The following SLC38A6 variants were observed in gnomAD, a reference collection of about 807,000 sequenced individuals.
SLC38A6 encodes solute carrier family 38 member 6, also known as N system amino acid transporter NAT-1.
A neutral mutation model predicts 65.0 loss-of-function variants in SLC38A6; 73 were observed. That is an observed-to-expected ratio of 1.12 (90% CI 0.93 to 1.37). The LOEUF is 1.37. Among genes scored for constraint, SLC38A6 ranks in the 40% most tolerant of loss-of-function variants. The probability of loss-of-function intolerance (pLI) is 0.00; values close to 1 mark genes in which losing one functional copy is unlikely to be tolerated. For missense variants in SLC38A6, 561 were observed against 531.1 expected, an observed-to-expected ratio of 1.06 and a Z score of -0.55; for synonymous variants, 183 against 178.8, an observed-to-expected ratio of 1.02 and a Z score of -0.19.
chr14:61,018,830 A>G (rs2040176910), intron 4 of SLC38A6, among the ~76,000 whole-genome samples: 1 of 152,158 alleles, frequency 6.6e-6, no homozygotes, highest in African/African-American at 2.4e-5. Context: ...AAAAAATTTC[A>G]TTTCTGACTT....
intron 3 of SLC38A6, among the ~76,000 whole-genome samples, chr14:60,995,834 A>G (rs934002543): frequency 1.3e-5 from 2 of 152,230 alleles, no homozygotes; most frequent in African/African-American, 4.8e-5. Flanking sequence ...AGGCAAAACT[A>G]TGCAGAAAAT....
chr14:61,005,840 A>G (rs938790550), intron 3 of SLC38A6, among the ~76,000 whole-genome samples: 5 of 152,104 alleles, frequency 3.3e-5, no homozygotes, highest in Admixed American at 3.3e-4. Flanking sequence ...TAAAGTTCAT[A>G]TGGAACCAAA....
intron 6 of SLC38A6, chr14:61,033,897 A>G (rs941025209): frequency 1.6e-4 from 24 of 152,178 alleles, no homozygotes; most frequent in Non-Finnish European, 5.9e-5. Context: ...TTATTTTTAT[A>G]TTAAGAATTT....
chr14:61,045,389 A>G lies in SLC38A6; in HGVS notation c.788A>G (p.His263Arg), dbSNP rs1194297318. The G allele has an allele frequency of 3.1e-6, 5 of 1,613,582 alleles. No individual in the cohort carries two copies. Among genetic ancestry groups the G allele is most frequent in the African/African-American group, 2.7e-5 (2 of 74,890 alleles). ...LPTMAFSFLC[H>R]TSILPIYCEL... is the part of the protein sequence containing the mutation. ...ACCATGGCTTTTTCATTTCTCTGCC[A>G]TACCTCAATATTGCCCATATACTGT... The change falls in exon 11 of 16, where the codon CAT (histidine) becomes CGT (arginine). Residue 263 changes from histidine (H) to arginine (R), a missense_variant. Transcript: ENST00000267488.
At chr14:61,001,321 C>A (rs2038695383) in intron 3 of SLC38A6, among the ~76,000 whole-genome samples, 1 of 152,168 alleles carries the variant, frequency 6.6e-6, no homozygotes, top group East Asian at 1.9e-4. Context: ...ACCCTGGCAA[C>A]ATTATGTGTG....
chr14:61,066,054 C>CTTTA, intron 15 of SLC38A6, among the ~76,000 whole-genome samples: 1 of 152,308 alleles, frequency 6.6e-6, no homozygotes, highest in East Asian at 1.9e-4. Context: ...GTTAAACATA[C>CTTTA]TTTACTTCCT....
intron 15 of SLC38A6, among the ~76,000 whole-genome samples, chr14:61,070,230 C>G (rs1030665983): frequency 4.6e-5 from 7 of 152,224 alleles, no homozygotes; most frequent in African/African-American, 1.7e-4. Context: ...CCTGCAGTCC[C>G]TGGCAACTGC....
chr14:60,992,851 C>CTT (rs35754433), intron 3 of SLC38A6, among the ~76,000 whole-genome samples: 93 of 141,128 alleles, frequency 6.6e-4, no homozygotes, highest in African/African-American at 1.4e-3. Context: ...TGCCTCCAAA[C>CTT]TTTTTTTTTT....
At chr14:61,062,162 C>T (rs549458466) in intron 15 of SLC38A6, among the ~76,000 whole-genome samples, 16 of 152,254 alleles carry the variant, frequency 1.1e-4, no homozygotes, top group African/African-American at 3.6e-4. Context: ...ACATAATTTG[C>T]AGCTTATTTG....
intron 4 of SLC38A6, among the ~76,000 whole-genome samples, chr14:61,016,475 T>C (rs1033724503): frequency 1.3e-5 from 2 of 152,182 alleles, no homozygotes; most frequent in African/African-American, 4.8e-5. Flanking sequence ...TGTCAACTAT[T>C]ATATAAAGCC....
intron 11 of SLC38A6, among the ~76,000 whole-genome samples, chr14:61,045,712 C>T (rs780218476): frequency 4.0e-5 from 6 of 151,848 alleles, no homozygotes; most frequent in Admixed American, 1.3e-4. Flanking sequence ...GGTGAAACCC[C>T]GTCTCTACTA....
In SLC38A6 at chr14:60,981,255, C is replaced by T. The variant is rs762437327; in HGVS notation, c.-23C>T. Reference sequence around the variant, plus strand: ...CAGGGGTAGAGGCTCGTAGATGGAACTGGTAGTCAGCTGGAGAGCAGCATG... The same window carrying T: ...CAGGGGTAGAGGCTCGTAGATGGAATTGGTAGTCAGCTGGAGAGCAGCATG... On this transcript the variant is annotated 5_prime_UTR_variant, in exon 1 of 16. Transcript: ENST00000267488. 8.9e-6 allele frequency: 14 copies of T among 1,581,090 alleles called. No homozygotes were observed. The highest frequency in any genetic ancestry group is 1.1e-5 in the Non-Finnish European group (13 of 1,163,656).
chr14:61,043,259 T>A (rs780498702), intron 9 of SLC38A6, 47 bp downstream of exon 9: 4 of 1,286,006 alleles, frequency 3.1e-6, no homozygotes, highest in Non-Finnish European at 4.4e-6. Flanking sequence ...TTATTTTAAC[T>A]AAAAAGAAAA....
intron 15 of SLC38A6, among the ~76,000 whole-genome samples, chr14:61,062,532 G>T (rs1358351520): frequency 1.3e-5 from 2 of 150,236 alleles, no homozygotes; most frequent in Non-Finnish European, 3.0e-5. Flanking sequence ...TTGCTATGTT[G>T]CCCCGACTGG....
intron 16 of SLC38A6, among the ~76,000 whole-genome samples, chr14:61,081,200 C>G (rs2043631036): frequency 6.6e-6 from 1 of 152,198 alleles, no homozygotes; most frequent in African/African-American, 2.4e-5. Context: ...GACCTGGAAG[C>G]AGGGGCCATA....
Position 61,007,824 on chromosome 14 carries a change from A to G in SLC38A6, c.311-8080A>G, listed in dbSNP as rs190729540. ...TAATTTTCAGGTTTAAAATATATAT[A>G]CCAAGGCTTTGGGATGTTAAATATA... On this transcript the variant is annotated intron_variant, in intron 3 of 15. Transcript: ENST00000267488. Among the ~76,000 whole-genome samples the G allele has an allele frequency of 4.8e-4, 73 of 152,240 alleles. 1 individual carries two copies. The highest frequency in any genetic ancestry group is 9.6e-4 in the Non-Finnish European group (65 of 68,026).
At position 60,994,779 on chromosome 14, in the gene SLC38A6, G is replaced by A. The variant is rs376356736; in HGVS notation, c.310+9976G>A. Among the ~76,000 whole-genome samples, 82 of 150,964 alleles carry A rather than the reference G, an allele frequency of 5.4e-4. 2 individuals are homozygous for A. Among genetic ancestry groups the A allele is most frequent in the African/African-American group, 1.3e-3 (53 of 41,154 alleles). On this transcript the variant is annotated intron_variant, in intron 3 of 15. Coordinates refer to ENST00000267488, the MANE Select transcript of SLC38A6 (RefSeq NM_153811.3). Reference sequence around the variant, plus strand: ...AGCACTTTGGGAGGCCGAGGTGGGCGGATCACCTGAGGTCAGGAGATCAAG... The same window carrying A: ...AGCACTTTGGGAGGCCGAGGTGGGCAGATCACCTGAGGTCAGGAGATCAAG...
intron 15 of SLC38A6, among the ~76,000 whole-genome samples, chr14:61,072,168 G>T (rs1179277512): frequency 1.3e-5 from 2 of 152,150 alleles, no homozygotes; most frequent in Non-Finnish European, 2.9e-5. Context: ...TTCCTCAAAT[G>T]ACACATAAGT....
At chr14:61,033,803 T>A (rs2041163696) in intron 6 of SLC38A6, among the ~76,000 whole-genome samples, 1 of 152,146 alleles carries the variant, frequency 6.6e-6, no homozygotes, top group Non-Finnish European at 1.5e-5. Context: ...TTGGCTTTAT[T>A]AAGATGAATT....
Sources: gnomAD v4.1 joint callset for allele counts (sites outside exome capture counted in the v4.1 genomes callset) on GRCh38, gnomAD v4.1.1 for gene constraint, MANE v1.5 for transcripts, NCBI Gene and HGNC (gene_info 2026-07-23, HGNC 2026-07-21) for gene names.